KCNG2: variants seen among roughly 807,000 people sequenced by gnomAD.
The protein encoded by KCNG2 is potassium voltage-gated channel modifier subfamily G member 2.
A neutral mutation model predicts 12.3 loss-of-function variants in KCNG2; 7 were observed. That is an observed-to-expected ratio of 0.57 (90% confidence interval 0.32 to 1.07). The LOEUF is 1.07. KCNG2 is among the 50% of genes least tolerant of loss of function. The pLI is 0.04. For synonymous variants in KCNG2, 414 were observed against 351.4 expected (o/e 1.18, Z -1.99); for missense variants, 703 against 726.0 (o/e 0.97, Z 0.36).
chr18:79,806,570 T>G (rs1002915821), intron 1 of KCNG2, among the ~76,000 whole-genome samples: 1 of 152,232 alleles, frequency 6.6e-6, no homozygotes, highest in African/African-American at 2.4e-5. Context: ...GAAAGCACTT[T>G]AGAATGAGAG....
intron 3 of KCNG2, among the ~76,000 whole-genome samples, chr18:79,872,498 T>A (rs1387394176): frequency 6.6e-6 from 1 of 152,150 alleles, no homozygotes; most frequent in East Asian, 1.9e-4. Flanking sequence ...TTGGCCAGGC[T>A]GGCCTTGAAC....
chr18:79,833,379 G>C (rs999616667), intron 1 of KCNG2, among the ~76,000 whole-genome samples: 11 of 152,206 alleles, frequency 7.2e-5, no homozygotes, highest in African/African-American at 2.7e-4. Context: ...GGGCTCAAGT[G>C]ATATGCCTGC....
rs545231273 is a variant in KCNG2 at position 79,896,165 on chromosome 18, C to T, written c.625-2875C>T. Reference sequence around the variant, plus strand: ...ATTTTTAGTAGAGACAGGGTTTTGCCGTGTTGGCCAGGCTGGTGTAGAACC... The same window carrying T: ...ATTTTTAGTAGAGACAGGGTTTTGCTGTGTTGGCCAGGCTGGTGTAGAACC... On this transcript the variant is annotated intron_variant, in intron 3 of 3. Coordinates refer to ENST00000316249, the MANE Select transcript of KCNG2 (RefSeq NM_012283.2). 8.2e-4 allele frequency among the ~76,000 whole-genome samples: 125 copies of T among 152,172 alleles called. 1 individual carries two copies. Among genetic ancestry groups the T allele is most frequent in the South Asian group, 3.9e-3 (19 of 4,826 alleles).
At chr18:79,853,294 C>T (rs1246323643) in intron 1 of KCNG2, among the ~76,000 whole-genome samples, 2 of 152,208 alleles carry the variant, frequency 1.3e-5, no homozygotes, top group African/African-American at 4.8e-5. Context: ...GCCTGGGCTT[C>T]AGCGTGAACC....
chr18:79,899,450 C>T lies in KCNG2; in HGVS notation c.1035C>T (p.Arg345=), dbSNP rs375082920. The change falls in exon 4 of 4, where the codon CGC becomes CGT. Residue 345 remains arginine, a synonymous_variant. Coordinates refer to ENST00000316249, the MANE Select transcript of KCNG2 (RefSeq NM_012283.2). ...LFAPLVHLAE[R]ELGARRDFSS... Reference sequence around the variant, plus strand: ...CGCCACTGGTGCACCTGGCCGAGCGCGAGCTGGGCGCGCGCCGCGACTTCT... The same window carrying T: ...CGCCACTGGTGCACCTGGCCGAGCGTGAGCTGGGCGCGCGCCGCGACTTCT... 2.2e-5 allele frequency: 35 copies of T among 1,599,476 alleles called. No homozygotes were observed. The African/African-American group carries it at 2.3e-4, about 11-fold the overall frequency.
rs1022699349 is a variant in KCNG2 at position 79,800,702 on chromosome 18, C to T, written c.-115+2688C>T. Reference sequence around the variant, plus strand: ...CCTTCCCCGGGCGGGCGGCGCTGAGCAGACGGGAGGTGGGCTGGTGCCTAT... The same window carrying T: ...CCTTCCCCGGGCGGGCGGCGCTGAGTAGACGGGAGGTGGGCTGGTGCCTAT... On this transcript the variant is annotated intron_variant, in intron 1 of 3. Transcript: ENST00000316249. This position sits in a 1 kb window ranked among gnomAD's most constrained non-coding sequence, Gnocchi z 4.0. Among the ~76,000 whole-genome samples the T allele has an allele frequency of 3.9e-5, 6 of 152,258 alleles. No homozygotes were observed. The South Asian group carries it at 8.3e-4, about 21-fold the overall frequency.
In KCNG2 at chr18:79,864,058, G is replaced by A. The variant is rs1365300436; in HGVS notation, c.391G>A (p.Ala131Thr). Residue 131 changes from alanine to threonine, a missense_variant, in exon 3 of 4, where the codon GCC becomes ACC. By Grantham distance (58) the Ala-to-Thr change is moderately conservative. Coordinates refer to ENST00000316249, the MANE Select transcript of KCNG2 (RefSeq NM_012283.2). The stretch of plus-strand genomic sequence containing the variant: ...CCTGCGCCGCCGCGAGGAGGAGGCG[G>A]CCGAGGCCCGCGCGGGGCCGACGGA... ...RRLRRREEEA[A>T]EARAGPTERG... 2 of 1,099,902 alleles carry A rather than the reference G, an allele frequency of 1.8e-6. No individual in the cohort carries two copies. The highest frequency in any genetic ancestry group is 2.2e-6 in the Non-Finnish European group (2 of 904,166). 68.1% of individuals were successfully genotyped at this position (1,099,902 alleles called of 1,614,324 possible).
Position 79,899,989 on chromosome 18 carries a change from C to A in KCNG2, c.*173C>A, listed in dbSNP as rs974180907. On this transcript the variant is annotated 3_prime_UTR_variant, in exon 4 of 4. Coordinates refer to ENST00000316249, the MANE Select transcript of KCNG2 (RefSeq NM_012283.2). Reference sequence around the variant, plus strand: ...AACTTGGCGGGGCCCTGCCTGACTCCCCGTGGCAGCGCTGGGCAAAGTCAC... The same window carrying A: ...AACTTGGCGGGGCCCTGCCTGACTCACCGTGGCAGCGCTGGGCAAAGTCAC... 2 of 481,034 alleles carry A rather than the reference C, an allele frequency of 4.2e-6. No individual in the cohort carries two copies. The highest frequency in any genetic ancestry group is 3.9e-5 in the East Asian group (1 of 25,784). 29.8% of individuals were successfully genotyped at this position (481,034 alleles called of 1,614,324 possible). A position where few individuals can be genotyped will look rare whatever the true frequency, so the allele number is the denominator to read the frequency against.
At chr18:79,885,464 G>A (rs1159991832) in intron 3 of KCNG2, among the ~76,000 whole-genome samples, 4 of 152,160 alleles carry the variant, frequency 2.6e-5, no homozygotes, top group Non-Finnish European at 4.4e-5. Context: ...GGGCAGACCC[G>A]GTCCAGGTGG....
intron 1 of KCNG2, among the ~76,000 whole-genome samples, chr18:79,819,636 C>T (rs930085463): frequency 2.0e-5 from 3 of 152,264 alleles, no homozygotes; most frequent in Admixed American, 2.0e-4. Context: ...CCAGGCCTCA[C>T]AGCCAGCAGG....
chr18:79,798,540 C>T (rs1172818278), intron 1 of KCNG2, among the ~76,000 whole-genome samples: 1 of 152,200 alleles, frequency 6.6e-6, no homozygotes. Flanking sequence ...TTCCCGGTCC[C>T]CCTTCTCCCC....
At chr18:79,831,583 G>A (rs372449039) in intron 1 of KCNG2, among the ~76,000 whole-genome samples, 2 of 129,580 alleles carry the variant, frequency 1.5e-5, no homozygotes, top group African/African-American at 2.8e-5. Flanking sequence ...CGTCAGGAGC[G>A]TGCCCTGCGT....
chr18:79,872,098 A>G (rs994253504), intron 3 of KCNG2, among the ~76,000 whole-genome samples: 2 of 152,144 alleles, frequency 1.3e-5, no homozygotes, highest in Non-Finnish European at 2.9e-5. Flanking sequence ...GGAGGCCTGC[A>G]AACGGCAGGG....
At chr18:79,865,040 GAA>G (rs1979414885) in intron 3 of KCNG2, among the ~76,000 whole-genome samples, 1 of 150,126 alleles carries the variant, frequency 6.7e-6, no homozygotes, top group Non-Finnish European at 1.5e-5. Context: ...TGTGTGCTGA[GAA>G]GTTTGGGTGC....
intron 3 of KCNG2, among the ~76,000 whole-genome samples, chr18:79,894,614 G>A (rs1205146930): frequency 6.6e-6 from 1 of 151,302 alleles, no homozygotes; most frequent in Non-Finnish European, 1.5e-5. Flanking sequence ...CTAATGTTAC[G>A]ATTGATATAG....
At chr18:79,798,601 G>T (rs1191523885) in intron 1 of KCNG2, among the ~76,000 whole-genome samples, 8 of 152,230 alleles carry the variant, frequency 5.3e-5, no homozygotes, top group African/African-American at 1.9e-4. Flanking sequence ...CCCCTACTCT[G>T]CCTCCTCCGA....
chr18:79,899,976 C>A lies in KCNG2; in HGVS notation c.*160C>A, dbSNP rs1599448731. 3 of 551,922 alleles carry A rather than the reference C, an allele frequency of 5.4e-6. No homozygotes were observed. The African/African-American group carries it at 5.9e-5, about 11-fold the overall frequency. 34.2% of individuals were successfully genotyped at this position (551,922 alleles called of 1,614,324 possible). A position where few individuals can be genotyped will look rare whatever the true frequency, so the allele number is the denominator to read the frequency against. ...TGAGCAGCCCCAGAACTTGGCGGGGCCCTGCCTGACTCCCCGTGGCAGCGC... is the reference window on the plus strand; with the variant it reads ...TGAGCAGCCCCAGAACTTGGCGGGGACCTGCCTGACTCCCCGTGGCAGCGC... On this transcript the variant is annotated 3_prime_UTR_variant, in exon 4 of 4. Coordinates refer to ENST00000316249, the MANE Select transcript of KCNG2 (RefSeq NM_012283.2).
At chr18:79,854,816 T>C in intron 1 of KCNG2, among the ~76,000 whole-genome samples, 1 of 152,172 alleles carries the variant, frequency 6.6e-6, no homozygotes, top group Non-Finnish European at 1.5e-5. Flanking sequence ...CCTGGCCTCA[T>C]TGGCTTATTC....
chr18:79,846,183 G>A lies in KCNG2; in HGVS notation c.-114-10196G>A, dbSNP rs370651127. On this transcript the variant is annotated intron_variant, in intron 1 of 3. Coordinates refer to ENST00000316249, the MANE Select transcript of KCNG2 (RefSeq NM_012283.2). ...GTCAGGAGATCAAGACCATCCTGGC[G>A]AACATGGTGAAACCCTGTCTCTACT... Among the ~76,000 whole-genome samples, 13 of 149,646 alleles carry A rather than the reference G, an allele frequency of 8.7e-5. No homozygotes were observed. In the East Asian group the frequency reaches 1.4e-3, roughly 16 times the overall value.
Sources: gnomAD v4.1 joint callset for allele counts (sites outside exome capture counted in the v4.1 genomes callset) on GRCh38, gnomAD v4.1.1 for gene constraint, Gnocchi (gnomAD v3.1) non-coding constraint, MANE v1.5 for transcripts, NCBI Gene and HGNC (gene_info 2026-07-23, HGNC 2026-07-21) for gene names.